The following SARDH variants were observed in gnomAD, a reference collection of about 807,000 sequenced individuals.
The protein encoded by SARDH is sarcosine dehydrogenase, also known as sarcosine dehydrogenase, mitochondrial.
SARDH carries 95 observed loss-of-function variants against 109.1 expected under a neutral mutation model. The ratio of observed to expected loss-of-function variants is 0.87; its 90% confidence interval spans 0.74 to 1.03. The LOEUF (loss-of-function observed/expected upper bound fraction) is 1.03. SARDH is among the 50% of genes least tolerant of loss of function. The pLI is 0.00. For synonymous variants in SARDH, 572 were observed against 534.8 expected, an observed-to-expected ratio of 1.07 and a Z score of -0.96; for missense variants, 1,267 against 1,287.8, an observed-to-expected ratio of 0.98 and a Z score of 0.25.
chr9:133,672,422 TG>T (rs1830382142), intron 17 of SARDH, among the ~76,000 whole-genome samples: 1 of 152,240 alleles, frequency 6.6e-6, no homozygotes, highest in East Asian at 1.9e-4. Context: ...AGCAGTGACC[TG>T]GGGCAAGCTT....
chr9:133,672,067 C>T (rs778184377), intron 17 of SARDH, among the ~76,000 whole-genome samples: 2 of 152,214 alleles, frequency 1.3e-5, no homozygotes, highest in Non-Finnish European at 2.9e-5. Flanking sequence ...AATCCAAAAT[C>T]ACCATGTGGG....
chr9:133,712,647 C>T lies in SARDH; in HGVS notation c.1300G>A (p.Glu434Lys), dbSNP rs375011055. The change falls in exon 10 of 21, where the codon GAG becomes AAG. Residue 434 changes from glutamate to lysine, a missense_variant. By Grantham distance (56) the Glu-to-Lys change is moderately conservative (BLOSUM62 1). Transcript: ENST00000439388. The surrounding 1 kb of genome is among the most constrained non-coding windows in gnomAD (Gnocchi z 4.1). ...ATGTCATAGCCATGCATGTCCTTCTCCGGGCGCCCATGGATGATCCAGTGG... is the reference window on the plus strand; with the variant it reads ...ATGTCATAGCCATGCATGTCCTTCTTCGGGCGCCCATGGATGATCCAGTGG... ...LAHWIIHGRP[E>K]KDMHGYDIRR... is the part of the protein sequence containing the mutation. 1 of 1,610,458 alleles carries T rather than the reference C, an allele frequency of 6.2e-7. No individual in the cohort carries two copies. The highest frequency in any genetic ancestry group is 8.5e-7 in the Non-Finnish European group (1 of 1,179,972).
In SARDH at chr9:133,713,008, G is replaced by C. The variant is rs1053814865; in HGVS notation, c.1237+30C>G. On this transcript the variant is annotated intron_variant, in intron 9 of 20. Coordinates refer to ENST00000439388, the MANE Select transcript of SARDH (RefSeq NM_001134707.2). ...TGGGAATGACAGGACCTCCCTCTTGGGGGCCAGGAGGGCTGCTGCCCGGAC... is the reference window on the plus strand; with the variant it reads ...TGGGAATGACAGGACCTCCCTCTTGCGGGCCAGGAGGGCTGCTGCCCGGAC... 1.2e-5 allele frequency: 19 copies of C among 1,590,838 alleles called. No homozygotes were observed. In the Admixed American group the frequency reaches 2.5e-4, roughly 21 times the overall value.
rs489851 is a variant in SARDH, at chr9:133,709,165, C to T, written c.1329-737G>A. 0.61 allele frequency among the ~76,000 whole-genome samples: 92,227 copies of T among 152,062 alleles called. 28,471 individuals are homozygous for T. Among genetic ancestry groups the T allele is most frequent in the South Asian group, 0.75 (3,618 of 4,822 alleles). On this transcript the variant is annotated intron_variant, in intron 10 of 20. Coordinates refer to ENST00000439388, the MANE Select transcript of SARDH (RefSeq NM_001134707.2). This position sits in a 1 kb window ranked among gnomAD's most constrained non-coding sequence, Gnocchi z 4.2. ...CCTTCGAGGCTGGGGACACAGTGTG[C>T]GGCCACGGCAGCCCCCGGTGGTGTC...
rs544754495 is a variant in SARDH at position 133,710,134 on chromosome 9, A to G, written c.1329-1706T>C. The stretch of plus-strand genomic sequence containing the variant: ...TGGTCCCCAAGGAATTTCCCTGAAA[A>G]AACAGCCCAGCCCACACTCTGGCTC... On this transcript the variant is annotated intron_variant, in intron 10 of 20. Coordinates refer to ENST00000439388, the MANE Select transcript of SARDH (RefSeq NM_001134707.2). 3.3e-5 allele frequency among the ~76,000 whole-genome samples: 5 copies of G among 152,346 alleles called. No individual in the cohort carries two copies. In the South Asian group the frequency reaches 1.0e-3, roughly 32 times the overall value.
rs1356602632 is a variant in SARDH, at chr9:133,666,038, G to A, written c.2631+697C>T. 1.3e-5 allele frequency among the ~76,000 whole-genome samples: 2 copies of A among 152,202 alleles called. No individual in the cohort carries two copies. Among genetic ancestry groups the A allele is most frequent in the Admixed American group, 6.5e-5 (1 of 15,284 alleles). On this transcript the variant is annotated intron_variant, in intron 20 of 20. Coordinates refer to ENST00000439388, the MANE Select transcript of SARDH (RefSeq NM_001134707.2). This position sits in a 1 kb window ranked among gnomAD's most constrained non-coding sequence, Gnocchi z 5.2. Reference sequence around the variant, plus strand: ...CACCCCTTCCCCTTCTGGGGAGGCTGCCCACCCCCTGCCCCACCACCCCTG... The same window carrying A: ...CACCCCTTCCCCTTCTGGGGAGGCTACCCACCCCCTGCCCCACCACCCCTG...
chr9:133,677,080 A>G (rs566294213), intron 17 of SARDH, among the ~76,000 whole-genome samples: 1 of 152,282 alleles, frequency 6.6e-6, no homozygotes, highest in East Asian at 1.9e-4. Flanking sequence ...CGGAGGCTGT[A>G]GCGAGCCAAG....
At chr9:133,690,676 T>G in intron 15 of SARDH, 149 bp from the exon 16 acceptor site, 1 of 864,846 alleles carries the variant, frequency 1.2e-6, no homozygotes, top group Non-Finnish European at 1.8e-6. Context: ...TATCTGTCCC[T>G]CCCTGGGTCC....
chr9:133,724,560 C>A lies in SARDH; in HGVS notation c.915+5205G>T, dbSNP rs953938175. On this transcript the variant is annotated intron_variant, in intron 6 of 20. Transcript: ENST00000439388. ...AGCTGGAACCCCTCCGTATACCTCACTGGTGGGAATGTAAAATGGTGCAGC... is the reference window on the plus strand; with the variant it reads ...AGCTGGAACCCCTCCGTATACCTCAATGGTGGGAATGTAAAATGGTGCAGC... Among the ~76,000 whole-genome samples, 5 of 152,158 alleles carry A rather than the reference C, an allele frequency of 3.3e-5. 1 individual carries two copies. The highest frequency in any genetic ancestry group is 3.3e-4 in the Admixed American group (5 of 15,272).
At chr9:133,674,130 C>T (rs1588384468) in intron 17 of SARDH, among the ~76,000 whole-genome samples, 1 of 152,378 alleles carries the variant, frequency 6.6e-6, no homozygotes, top group Admixed American at 6.5e-5. Flanking sequence ...ACATTTTTCT[C>T]CACCAAAGCA....
At position 133,663,614 on chromosome 9, in the gene SARDH, G is replaced by A. The variant is rs1829955472; in HGVS notation, c.*275C>T. On this transcript the variant is annotated 3_prime_UTR_variant, in exon 21 of 21. Coordinates refer to ENST00000439388, the MANE Select transcript of SARDH (RefSeq NM_001134707.2). Reference sequence around the variant, plus strand: ...TAAGCACCTTCTAGAAGCTTGGAAAGGGCTACAAGCCATGGTCCCTGAGCC... The same window carrying A: ...TAAGCACCTTCTAGAAGCTTGGAAAAGGCTACAAGCCATGGTCCCTGAGCC... 2.2e-6 allele frequency: 1 copy of A among 455,522 alleles called. No homozygotes were observed. Among genetic ancestry groups the A allele is most frequent in the South Asian group, 3.8e-5 (1 of 26,048 alleles). 28.2% of individuals were successfully genotyped at this position (455,522 alleles called of 1,614,324 possible). A position where few individuals can be genotyped will look rare whatever the true frequency, so the allele number is the denominator to read the frequency against.
At chr9:133,738,121 C>G (rs1280759913) in intron 1 of SARDH, 133 bp downstream of exon 1, 3 of 152,416 alleles carry the variant, frequency 2.0e-5, no homozygotes, top group Non-Finnish European at 4.4e-5. Flanking sequence ...GAACCCTGGT[C>G]CTGCTCATGC....
At chr9:133,716,365 T>C (rs538446783) in intron 8 of SARDH, among the ~76,000 whole-genome samples, 22 of 152,360 alleles carry the variant, frequency 1.4e-4, no homozygotes, top group African/African-American at 4.8e-4. Flanking sequence ...GGGTCACCGG[T>C]AGCTCCTGGG....
intron 6 of SARDH, among the ~76,000 whole-genome samples, chr9:133,723,533 C>T (rs569750399): frequency 3.9e-5 from 6 of 152,222 alleles, no homozygotes; most frequent in South Asian, 4.1e-4. Flanking sequence ...GAGGCCAAGG[C>T]GGGTGGATCA....
intron 11 of SARDH, among the ~76,000 whole-genome samples, chr9:133,706,890 A>G (rs909514007): frequency 6.6e-6 from 1 of 152,040 alleles, no homozygotes; most frequent in Non-Finnish European, 1.5e-5. Context: ...AGGAGGAGGC[A>G]CGCCCAAGGC....
At chr9:133,665,427 G>A (rs1040472739) in intron 20 of SARDH, among the ~76,000 whole-genome samples, 1 of 152,212 alleles carries the variant, frequency 6.6e-6, no homozygotes, top group African/African-American at 2.4e-5. Flanking sequence ...CCCACCGTGG[G>A]AGCCATGCCA....
chr9:133,734,027 TC>T lies in SARDH; in HGVS notation c.146del (p.Gly49AspfsTer42), dbSNP rs754749432. ...SVPYQRTLKE[G>X]QGTSVVAQGP... is the part of the protein sequence containing the mutation. ...CTTGGGCCACCACCGAGGTGCCCTG[TC>T]CCTCCTTCAGGGTCCGCTGATATGG... On this transcript the variant is annotated frameshift_variant, in exon 2 of 21. Coordinates refer to ENST00000439388, the MANE Select transcript of SARDH (RefSeq NM_001134707.2). LOFTEE classifies it high-confidence loss of function. The T allele has an allele frequency of 1.9e-6, 3 of 1,613,270 alleles. No individual in the cohort carries two copies. In the East Asian group the frequency reaches 6.7e-5, roughly 36 times the overall value.
intron 17 of SARDH, among the ~76,000 whole-genome samples, chr9:133,672,134 T>TCCTCCCGAGCACCTCCCGAGCA: frequency 6.6e-6 from 1 of 152,190 alleles, no homozygotes; most frequent in East Asian, 1.9e-4. Context: ...CGAGGGAGCC[T>TCCTCCCGAGCACCTCCCGAGCA]CCTCCCGAGC....
In SARDH at chr9:133,671,664, G is replaced by C; in HGVS notation, c.2197C>G (p.Leu733Val). ...RAMRLSFVGE[L>V]GWELHIPKAS... ...TTTGGAATGTGCAGCTCCCAGCCCAGCTCCCCCACAAAGGACAGCCGCATG... is the reference window on the plus strand; with the variant it reads ...TTTGGAATGTGCAGCTCCCAGCCCACCTCCCCCACAAAGGACAGCCGCATG... The change falls in exon 18 of 21, where the codon CTG (leucine) becomes GTG (valine). Residue 733 changes from leucine (L) to valine (V), a missense_variant. Physicochemically the swap from Leu to Val is conservative, Grantham distance 32 (BLOSUM62 1). Coordinates refer to ENST00000439388, the MANE Select transcript of SARDH (RefSeq NM_001134707.2). 1.3e-6 allele frequency: 2 copies of C among 1,590,136 alleles called. No individual in the cohort carries two copies. Among genetic ancestry groups the C allele is most frequent in the Non-Finnish European group, 1.7e-6 (2 of 1,168,610 alleles).
Sources: allele counts gnomAD v4.1 joint callset (sites outside exome capture counted in the v4.1 genomes callset), GRCh38; gene constraint gnomAD v4.1.1; non-coding constraint Gnocchi (gnomAD v3.1); transcripts MANE v1.5; gene names NCBI Gene and HGNC (gene_info 2026-07-23, HGNC 2026-07-21).